SCRN1: variants seen among roughly 807,000 people sequenced by gnomAD.
The protein encoded by SCRN1 is secernin 1, also known as secernin-1.
In SCRN1, 19 loss-of-function variants were observed where a neutral mutation model predicts 43.3. The ratio of observed to expected loss-of-function variants is 0.44; its 90% CI spans 0.31 to 0.64. The LOEUF is 0.64. Ranked by LOEUF, SCRN1 falls within the 30% of genes least tolerant of loss-of-function variation. SCRN1 has a pLI of 0.09. For missense variants in SCRN1, 447 were observed against 524.1 expected (o/e 0.85, Z 1.44); for synonymous variants, 183 against 188.9 (o/e 0.97, Z 0.26).
At position 29,921,585 on chromosome 7, in the gene SCRN1, C is replaced by G. The variant is rs1220835459; in HGVS notation, c.*2372G>C. 1.3e-5 allele frequency: 2 copies of G among 152,246 alleles called. No homozygotes were observed. Among genetic ancestry groups the G allele is most frequent in the Admixed American group, 1.3e-4 (2 of 15,284 alleles). The allele number at this position is 152,246 out of a possible 1,614,324, so 9.4% of individuals were successfully genotyped here. A position where few individuals can be genotyped will look rare whatever the true frequency, so the allele number is the denominator to read the frequency against. ...CAGACCTGATGGGAGCTGCCACACC[C>G]CTTTTAACTTTTGCCAGGCTGTACC... is the stretch of plus-strand genomic sequence containing the variant. On this transcript the variant is annotated 3_prime_UTR_variant, in exon 8 of 8. Coordinates refer to ENST00000242059, the MANE Select transcript of SCRN1 (RefSeq NM_014766.5).
intron 3 of SCRN1, among the ~76,000 whole-genome samples, chr7:29,952,694 A>AAAAG (rs1554358021): frequency 2.0e-5 from 3 of 148,842 alleles, no homozygotes; most frequent in Admixed American, 6.7e-5. Context: ...AAAAAAAAAA[A>AAAAG]AGAGAGAGAG....
chr7:29,926,907 C>T (rs190595137), intron 6 of SCRN1, among the ~76,000 whole-genome samples: 36 of 152,090 alleles, frequency 2.4e-4, no homozygotes, highest in African/African-American at 8.7e-4. Context: ...TTTGAGAGGA[C>T]TCTTTTAGCA....
At position 29,968,934 on chromosome 7, in the gene SCRN1, T is replaced by C. The variant is rs377488612; in HGVS notation, c.134A>G (p.Asp45Gly). The part of the protein sequence containing the change: ...VQEVVYFSAA[D>G]HEPESKVECT... ...CTCAACCTTGCTCTCCGGTTCGTGA[T>C]CAGCAGCCGAGAAATACACAACCTC... Residue 45 changes from aspartate (D) to glycine (G), a missense_variant, in exon 2 of 8, where the codon GAT (aspartate) becomes GGT (glycine). Asp to Gly is a moderately conservative substitution (Grantham distance 94, BLOSUM62 -1). Coordinates refer to ENST00000242059, the MANE Select transcript of SCRN1 (RefSeq NM_014766.5). 3 of 1,614,070 alleles carry C rather than the reference T, an allele frequency of 1.9e-6. No individual in the cohort carries two copies. The highest frequency in any genetic ancestry group is 2.5e-6 in the Non-Finnish European group (3 of 1,180,006).
chr7:29,988,622 A>C (rs1439671068), intron 1 of SCRN1: 1 of 152,450 alleles, frequency 6.6e-6, no homozygotes, highest in Non-Finnish European at 1.5e-5. Context: ...TCTTCTAACC[A>C]GGCTGGGAAC....
intron 1 of SCRN1, chr7:29,988,874 C>T (rs982596878): frequency 4.6e-5 from 7 of 152,286 alleles, no homozygotes; most frequent in African/African-American, 1.7e-4. Flanking sequence ...GTTCAAGCGC[C>T]CCTCCTGCTT....
At chr7:29,972,248 T>G (rs1788688533) in intron 1 of SCRN1, among the ~76,000 whole-genome samples, 2 of 152,190 alleles carry the variant, frequency 1.3e-5, no homozygotes, top group African/African-American at 4.8e-5. Flanking sequence ...GCATTTATCT[T>G]GTGTGATGCC....
chr7:29,990,268 A>G (rs1789331139), upstream of SCRN1: 1 of 1,550,634 alleles, frequency 6.4e-7, no homozygotes, highest in African/African-American at 1.4e-5. Flanking sequence ...TGTCCCAGGT[A>G]CTTGGACATT....
intron 3 of SCRN1, among the ~76,000 whole-genome samples, chr7:29,949,027 C>T (rs1470253294): frequency 1.3e-5 from 2 of 152,150 alleles, no homozygotes; most frequent in African/African-American, 4.8e-5. Context: ...TTATAAGTGG[C>T]ACCCTAGGAC....
chr7:29,931,167 C>CA (rs897793357), intron 6 of SCRN1, among the ~76,000 whole-genome samples: 70 of 151,800 alleles, frequency 4.6e-4, no homozygotes, highest in Admixed American at 9.8e-4. Flanking sequence ...CATGCCAATG[C>CA]AAAAAAAACT....
chr7:29,941,903 G>A (rs1787569683), intron 4 of SCRN1, among the ~76,000 whole-genome samples: 1 of 152,212 alleles, frequency 6.6e-6, no homozygotes, highest in Non-Finnish European at 1.5e-5. Flanking sequence ...GGAGAATGAA[G>A]TGACATAAAG....
intron 1 of SCRN1, among the ~76,000 whole-genome samples, chr7:29,975,893 T>C (rs538163383): frequency 3.3e-5 from 5 of 152,326 alleles, no homozygotes; most frequent in African/African-American, 1.2e-4. Flanking sequence ...TATCTGTAGT[T>C]TGTACTATAC....
At chr7:29,954,069 C>T (rs1323946135) in intron 3 of SCRN1, among the ~76,000 whole-genome samples, 1 of 152,136 alleles carries the variant, frequency 6.6e-6, no homozygotes, top group African/African-American at 2.4e-5. Context: ...TTTGTTCCAG[C>T]CTACCTTCTA....
chr7:29,984,613 TTA>T (rs1206991146), intron 1 of SCRN1, among the ~76,000 whole-genome samples: 3 of 151,978 alleles, frequency 2.0e-5, no homozygotes, highest in African/African-American at 7.2e-5. Context: ...TAGAAAATAT[TTA>T]TCTCACTCAC....
chr7:29,973,796 A>T (rs951113544), intron 1 of SCRN1, among the ~76,000 whole-genome samples: 2 of 152,336 alleles, frequency 1.3e-5, no homozygotes, highest in African/African-American at 4.8e-5. Context: ...CTAAGGAAAC[A>T]ATCAGGAATA....
At chr7:29,990,127 C>T (rs1013677859), upstream of SCRN1, 10 of 1,550,608 alleles carry the variant, frequency 6.4e-6, no homozygotes, top group African/African-American at 8.2e-5. Context: ...TTGGTTGCTA[C>T]GTCCGGGCCT....
intron 1 of SCRN1, among the ~76,000 whole-genome samples, chr7:29,979,529 T>C (rs780076988): frequency 4.6e-5 from 7 of 152,194 alleles, no homozygotes; most frequent in Non-Finnish European, 7.3e-5. Context: ...AATAATAGTG[T>C]AGATACATGT....
chr7:29,969,964 T>C, intron 1 of SCRN1: 1 of 433,556 alleles, frequency 2.3e-6, no homozygotes, highest in Non-Finnish European at 4.7e-6. Context: ...ACATTCCATC[T>C]CCTAAATCTC....
chr7:29,963,770 T>C (rs1788403852), intron 2 of SCRN1, among the ~76,000 whole-genome samples: 1 of 152,172 alleles, frequency 6.6e-6, no homozygotes, highest in Non-Finnish European at 1.5e-5. Flanking sequence ...ACTAATTAAA[T>C]GAACTATGGT....
chr7:29,937,055 A>C (rs943851868), intron 5 of SCRN1, among the ~76,000 whole-genome samples: 6 of 152,188 alleles, frequency 3.9e-5, no homozygotes, highest in Admixed American at 3.9e-4. Flanking sequence ...CAAAAAAACA[A>C]ACAAACAAAA....
Sources: allele counts gnomAD v4.1 joint callset (sites outside exome capture counted in the v4.1 genomes callset), GRCh38; gene constraint gnomAD v4.1.1; transcripts MANE v1.5; gene names NCBI Gene and HGNC (gene_info 2026-07-23, HGNC 2026-07-21).